Variants in LDLRAD4 observed in about 807,000 individuals in gnomAD.
LDLRAD4 encodes low-density lipoprotein receptor class A domain-containing protein 4.
LDLRAD4 carries 5 observed loss-of-function variants against 17.0 expected under a neutral mutation model. The ratio of observed to expected loss-of-function variants is 0.29; its 90% CI spans 0.15 to 0.62. The LOEUF is 0.62. LDLRAD4 is among the 20% of genes least tolerant of loss of function. The probability of loss-of-function intolerance (pLI) is 0.84; values close to 1 mark genes in which losing one functional copy is unlikely to be tolerated. For synonymous variants in LDLRAD4, 168 were observed against 171.8 expected, an observed-to-expected ratio of 0.98 and a Z score of 0.17; for missense variants, 340 against 424.7, an observed-to-expected ratio of 0.80 and a Z score of 1.75.
chr18:13,639,639 G>A (rs770635675), intron 4 of LDLRAD4, among the ~76,000 whole-genome samples: 1 of 152,168 alleles, frequency 6.6e-6, no homozygotes, highest in Admixed American at 6.5e-5. Context: ...GGGGCACAGA[G>A]CTGGAATGCC....
At chr18:13,420,826 G>A (rs563586006) in intron 2 of LDLRAD4, 14 of 152,200 alleles carry the variant, frequency 9.2e-5, no homozygotes, top group African/African-American at 1.7e-4. Context: ...CAGAACGGTC[G>A]CGACACTGCA....
chr18:13,314,793 G>A (rs2146794304), intron 1 of LDLRAD4, among the ~76,000 whole-genome samples: 1 of 152,324 alleles, frequency 6.6e-6, no homozygotes, highest in Middle Eastern at 3.4e-3. Flanking sequence ...CTGGGGAGAA[G>A]GGAAAATATT....
chr18:13,235,673 T>C (rs908278789), intron 1 of LDLRAD4, among the ~76,000 whole-genome samples: 1 of 152,252 alleles, frequency 6.6e-6, no homozygotes, highest in Non-Finnish European at 1.5e-5. Flanking sequence ...AATAGACCAC[T>C]AGCCATGTTG....
chr18:13,296,332 C>T (rs1274863325), intron 1 of LDLRAD4, among the ~76,000 whole-genome samples: 1 of 152,174 alleles, frequency 6.6e-6, no homozygotes, highest in Non-Finnish European at 1.5e-5. Context: ...AACAAAGTAC[C>T]ACAGACCGGG....
intron 2 of LDLRAD4, among the ~76,000 whole-genome samples, chr18:13,396,451 G>C (rs995862767): frequency 1.3e-5 from 2 of 152,196 alleles, no homozygotes; most frequent in Non-Finnish European, 2.9e-5. Context: ...TAAATGTTGT[G>C]TAAATAGTTG....
intron 1 of LDLRAD4, among the ~76,000 whole-genome samples, chr18:13,381,230 G>A (rs1250420566): frequency 6.6e-6 from 1 of 151,740 alleles, no homozygotes; most frequent in African/African-American, 2.4e-5. Flanking sequence ...GCCATGCCCA[G>A]CTAATTTTTA....
At position 13,621,068 on chromosome 18, in the gene LDLRAD4, T is replaced by C; in HGVS notation, c.182-49T>C. 1.2e-6 allele frequency: 2 copies of C among 1,612,706 alleles called. No individual in the cohort carries two copies. The highest frequency in any genetic ancestry group is 1.7e-6 in the Non-Finnish European group (2 of 1,179,202). On this transcript the variant is annotated intron_variant, in intron 3 of 5. Coordinates refer to ENST00000359446, the Ensembl canonical transcript of LDLRAD4. This position sits in a 1 kb window ranked among gnomAD's most constrained non-coding sequence, Gnocchi z 5.5. ...GTGGTGACAGTGCCTGGAGAATGGGTGGGGACTGGAGGGGCCAGGTGGCTA... is the reference window on the plus strand; with the variant it reads ...GTGGTGACAGTGCCTGGAGAATGGGCGGGGACTGGAGGGGCCAGGTGGCTA...
chr18:13,650,246 TTGCTGCTGCTGC>T (rs3842394), exon 6 of LDLRAD4: 1 of 402,174 alleles, frequency 2.5e-6, no homozygotes, highest in Non-Finnish European at 4.4e-6. Flanking sequence ...AGACAGTCAT[TTGCTGCTGCTGC>T]TGCTGCTGCT....
chr18:13,461,219 G>C (rs1021010966), intron 3 of LDLRAD4: 1 of 152,376 alleles, frequency 6.6e-6, no homozygotes, highest in South Asian at 2.1e-4. Flanking sequence ...ACAGAAGATC[G>C]GTAGGCAGGG....
chr18:13,535,147 G>A (rs1036075240), intron 3 of LDLRAD4, among the ~76,000 whole-genome samples: 2 of 152,176 alleles, frequency 1.3e-5, no homozygotes, highest in East Asian at 1.9e-4. Context: ...TATTCACATA[G>A]AAGTCTTTGT....
chr18:13,319,340 C>A (rs12959077), intron 1 of LDLRAD4, among the ~76,000 whole-genome samples: 1 of 151,674 alleles, frequency 6.6e-6, no homozygotes, highest in East Asian at 1.9e-4. Flanking sequence ...CCAGGTCGTG[C>A]AGCTGCTGTG....
chr18:13,429,844 A>G lies in LDLRAD4; in HGVS notation c.41-8400A>G, dbSNP rs149781107. On this transcript the variant is annotated intron_variant, in intron 2 of 5. Transcript: ENST00000359446. ...GGGAGCACTGAAGTTGTTCAGAGGA[A>G]AAATGAAAAGCTGCTGGTGTAGTCC... Among the ~76,000 whole-genome samples the G allele has an allele frequency of 3.2e-3, 492 of 152,354 alleles. 4 individuals are homozygous for G. Among genetic ancestry groups the G allele is most frequent in the East Asian group, 0.016 (85 of 5,182 alleles).
chr18:13,622,603 A>C lies in LDLRAD4; in HGVS notation c.336+1332A>C, dbSNP rs2040754856. On this transcript the variant is annotated intron_variant, in intron 4 of 5. Coordinates refer to ENST00000359446, the Ensembl canonical transcript of LDLRAD4. This position sits in a 1 kb window ranked among gnomAD's most constrained non-coding sequence, Gnocchi z 5.3. ...TCCTGGGGTCCTTTGTCTGGTGTCC[A>C]CAGAGCTGCGCCATCCAGACGCACT... Among the ~76,000 whole-genome samples, 1 of 152,148 alleles carries C rather than the reference A, an allele frequency of 6.6e-6. No homozygotes were observed.
intron 2 of LDLRAD4, among the ~76,000 whole-genome samples, chr18:13,402,390 T>C (rs897316931): frequency 6.6e-5 from 10 of 152,178 alleles, no homozygotes; most frequent in African/African-American, 2.2e-4. Flanking sequence ...TAGCTCAATC[T>C]TGAATTACAG....
chr18:13,523,779 C>T (rs1359071848), intron 3 of LDLRAD4, among the ~76,000 whole-genome samples: 1 of 152,132 alleles, frequency 6.6e-6, no homozygotes, highest in African/African-American at 2.4e-5. Flanking sequence ...GGATTTGGAC[C>T]GACCCCAGTG....
chr18:13,265,751 T>C (rs1032774159), intron 1 of LDLRAD4, among the ~76,000 whole-genome samples: 2 of 152,106 alleles, frequency 1.3e-5, no homozygotes, highest in Non-Finnish European at 2.9e-5. Context: ...CCTGCTTGCC[T>C]GGTGCTGAGA....
At chr18:13,299,750 G>A (rs1470128704) in intron 1 of LDLRAD4, among the ~76,000 whole-genome samples, 1 of 152,164 alleles carries the variant, frequency 6.6e-6, no homozygotes, top group Admixed American at 6.5e-5. Context: ...GCTGAAGCAG[G>A]AGGACCACTT....
intron 1 of LDLRAD4, among the ~76,000 whole-genome samples, chr18:13,323,940 CT>C (rs1216727742): frequency 1.8e-4 from 28 of 151,840 alleles, no homozygotes; most frequent in Admixed American, 1.4e-3. Flanking sequence ...GTGTCACTGC[CT>C]CTAGTCCCAG....
chr18:13,557,042 C>A (rs1027456307), intron 3 of LDLRAD4, among the ~76,000 whole-genome samples: 1 of 152,166 alleles, frequency 6.6e-6, no homozygotes, highest in African/African-American at 2.4e-5. Flanking sequence ...CACCTGTAAT[C>A]CCAACACTTT....
Sources: allele counts gnomAD v4.1 joint callset (sites outside exome capture counted in the v4.1 genomes callset), GRCh38; gene constraint gnomAD v4.1.1; non-coding constraint Gnocchi (gnomAD v3.1); transcripts MANE v1.5; gene names NCBI Gene and HGNC (gene_info 2026-07-23, HGNC 2026-07-21).